Variants in ARMC9 observed in about 807,000 individuals in gnomAD.
ARMC9 encodes the protein lisH domain-containing protein ARMC9.
A neutral mutation model predicts 107.0 loss-of-function variants in ARMC9; 94 were observed. The ratio of observed to expected loss-of-function variants is 0.88; its 90% CI spans 0.74 to 1.04. The LOEUF is 1.04. Among genes scored for constraint, ARMC9 ranks in the 50% least tolerant of loss-of-function variants. The pLI is 0.00. For synonymous variants in ARMC9, 380 were observed against 396.9 expected (o/e 0.96, Z 0.51); for missense variants, 942 against 1,030.1 (o/e 0.91, Z 1.17).
chr2:231,316,244 T>C (rs1429505328), intron 19 of ARMC9, among the ~76,000 whole-genome samples: 3 of 152,122 alleles, frequency 2.0e-5, no homozygotes, highest in Admixed American at 6.6e-5. Flanking sequence ...GCTGGTCTCT[T>C]AACAACAAAT....
intron 12 of ARMC9, among the ~76,000 whole-genome samples, chr2:231,268,475 G>A (rs2039038120): frequency 6.6e-6 from 1 of 152,114 alleles, no homozygotes; most frequent in African/African-American, 2.4e-5. Flanking sequence ...TGCTGTCCAG[G>A]AGTCTCTTCA....
chr2:231,376,542 T>C lies in ARMC9; in HGVS notation c.*5007T>C, dbSNP rs2046203493. 6.6e-6 allele frequency among the ~76,000 whole-genome samples: 1 copy of C among 152,150 alleles called. No homozygotes were observed. Among genetic ancestry groups the C allele is most frequent in the Non-Finnish European group, 1.5e-5 (1 of 68,032 alleles). The stretch of plus-strand genomic sequence containing the variant: ...GAAATTCCCGCCTAATAAATTTTGG[T>C]CAGACCGGTTGCTCTCAAACCCTGT... On this transcript the variant is annotated 3_prime_UTR_variant, in exon 25 of 25. Transcript: ENST00000611582.
At chr2:231,312,579 C>A (rs1575044870) in intron 19 of ARMC9, among the ~76,000 whole-genome samples, 2 of 151,740 alleles carry the variant, frequency 1.3e-5, no homozygotes, top group South Asian at 4.2e-4. Flanking sequence ...TGCAAAACAG[C>A]CTTTTACAGT....
intron 3 of ARMC9, among the ~76,000 whole-genome samples, chr2:231,209,704 T>A (rs1477851935): frequency 1.3e-5 from 2 of 152,060 alleles, no homozygotes; most frequent in Non-Finnish European, 2.9e-5. Flanking sequence ...CCCAGCTGGT[T>A]TTAGTATTTT....
intron 9 of ARMC9, among the ~76,000 whole-genome samples, chr2:231,243,903 AAGG>A (rs2036526607): frequency 1.3e-5 from 2 of 152,208 alleles, no homozygotes; most frequent in African/African-American, 2.4e-5. Flanking sequence ...TAGGATTTGG[AAGG>A]AGAAGAAGAT....
chr2:231,342,103 C>G (rs984115328), intron 20 of ARMC9, among the ~76,000 whole-genome samples: 3 of 152,134 alleles, frequency 2.0e-5, no homozygotes, highest in African/African-American at 7.2e-5. Context: ...CTGAGGGGCC[C>G]GAGAGTAGGC....
chr2:231,240,564 A>G (rs1430356388), intron 9 of ARMC9, among the ~76,000 whole-genome samples: 1 of 152,204 alleles, frequency 6.6e-6, no homozygotes, highest in Non-Finnish European at 1.5e-5. Flanking sequence ...TTTCTGAACT[A>G]TTTGAGGATA....
rs371223293 is a variant in ARMC9 at position 231,362,466 on chromosome 2, A to C, written c.2261+1583A>C. On this transcript the variant is annotated intron_variant, in intron 23 of 24. Coordinates refer to ENST00000611582, the MANE Select transcript of ARMC9 (RefSeq NM_001352754.2). The surrounding 1 kb of genome is among the most constrained non-coding windows in gnomAD (Gnocchi z 4.7). ...AGAAATAACTGTTTTCACAGTAGGT[A>C]GGCAGCCGACCCTGAGGGACCTCAT... is the stretch of plus-strand genomic sequence containing the variant. Among the ~76,000 whole-genome samples, 5 of 152,134 alleles carry C rather than the reference A, an allele frequency of 3.3e-5. No homozygotes were observed. The highest frequency in any genetic ancestry group is 1.2e-4 in the African/African-American group (5 of 41,500).
chr2:231,348,502 T>G (rs547715093), intron 21 of ARMC9, among the ~76,000 whole-genome samples: 4 of 152,358 alleles, frequency 2.6e-5, no homozygotes, highest in African/African-American at 9.6e-5. Context: ...CATTGGGGAA[T>G]GTCTCCAGGA....
At chr2:231,233,498 C>G (rs1267853710) in intron 7 of ARMC9, among the ~76,000 whole-genome samples, 1 of 151,882 alleles carries the variant, frequency 6.6e-6, no homozygotes, top group Admixed American at 6.6e-5. Flanking sequence ...TACTTGTGGC[C>G]GGGTGCGGTG....
Position 231,269,434 on chromosome 2 carries a change from C to G in ARMC9, c.1120-1548C>G, listed in dbSNP as rs866112551. Among the ~76,000 whole-genome samples the G allele has an allele frequency of 1.1e-3, 147 of 130,992 alleles. 1 individual carries two copies. Among genetic ancestry groups the G allele is most frequent in the African/African-American group, 3.9e-3 (132 of 34,254 alleles). 85.9% of individuals were successfully genotyped at this position (130,992 alleles called of 152,430 possible). ...TTTTTTTTTTTGAGACAGTCTCACT[C>G]TGCTGCCCTGGCATGATCTCAGCTC... On this transcript the variant is annotated intron_variant, in intron 12 of 24. Coordinates refer to ENST00000611582, the MANE Select transcript of ARMC9 (RefSeq NM_001352754.2).
At chr2:231,310,452 C>T (rs1188765687) in intron 19 of ARMC9, among the ~76,000 whole-genome samples, 1 of 46,190 alleles carries the variant, frequency 2.2e-5, no homozygotes, top group Non-Finnish European at 3.7e-5. Context: ...AAGCTATGGG[C>T]GGGTGCAATG....
At chr2:231,282,550 A>T (rs948164128) in intron 17 of ARMC9, among the ~76,000 whole-genome samples, 1 of 152,218 alleles carries the variant, frequency 6.6e-6, no homozygotes, top group Non-Finnish European at 1.5e-5. Flanking sequence ...ATTATTTTGA[A>T]AGGACAAGTG....
chr2:231,200,075 A>G (rs940492553), intron 1 of ARMC9, among the ~76,000 whole-genome samples: 3 of 152,212 alleles, frequency 2.0e-5, no homozygotes, highest in African/African-American at 7.2e-5. Context: ...ATCACAGCAG[A>G]TACTATTTAA....
chr2:231,261,261 G>A (rs1200045917), intron 11 of ARMC9, among the ~76,000 whole-genome samples: 1 of 152,164 alleles, frequency 6.6e-6, no homozygotes, highest in Admixed American at 6.5e-5. Context: ...ACACACCGAT[G>A]TGCACACGCA....
intron 23 of ARMC9, among the ~76,000 whole-genome samples, chr2:231,364,690 C>G (rs746022215): frequency 2.6e-5 from 4 of 151,882 alleles, no homozygotes; most frequent in Non-Finnish European, 5.9e-5. Flanking sequence ...CCCAGCTACT[C>G]GGGAAGCTGA....
intron 9 of ARMC9, among the ~76,000 whole-genome samples, chr2:231,248,314 T>C (rs893709189): frequency 6.6e-6 from 1 of 152,204 alleles, no homozygotes; most frequent in African/African-American, 2.4e-5. Context: ...GTCTTAAAGC[T>C]CTTACCTTAC....
rs2046026981 is a variant in ARMC9 at position 231,371,708 on chromosome 2, C to T, written c.*173C>T. ...CAGAGCAAGGCCATCGCAGCCCCGC[C>T]AGCCGGGTCACTTTCTCCCAGGGCA... On this transcript the variant is annotated 3_prime_UTR_variant, in exon 25 of 25. Transcript: ENST00000611582. The T allele has an allele frequency of 9.9e-6, 6 of 605,324 alleles. No individual in the cohort carries two copies. The highest frequency in any genetic ancestry group is 1.2e-5 in the Non-Finnish European group (5 of 415,910). The allele number at this position is 605,324 out of a possible 1,614,324, so 37.5% of individuals were successfully genotyped here.
chr2:231,351,468 A>G (rs1027565533), intron 21 of ARMC9, among the ~76,000 whole-genome samples: 6 of 152,166 alleles, frequency 3.9e-5, no homozygotes, highest in African/African-American at 9.7e-5. Context: ...CAAAACATGT[A>G]TGGAACAAGT....
Sources: allele counts gnomAD v4.1 joint callset (sites outside exome capture counted in the v4.1 genomes callset), GRCh38; gene constraint gnomAD v4.1.1; non-coding constraint Gnocchi (gnomAD v3.1); transcripts MANE v1.5; gene names NCBI Gene and HGNC (gene_info 2026-07-23, HGNC 2026-07-21).